The following EIF4E variants were observed in gnomAD, a reference collection of about 807,000 sequenced individuals.
EIF4E encodes the protein eIF-4F 25 kDa subunit.
For missense variants in EIF4E, 113 were observed against 265.6 expected, an observed-to-expected ratio of 0.43 and a Z score of 3.99; for synonymous variants, 71 against 88.5, an observed-to-expected ratio of 0.80 and a Z score of 1.11.
rs973366241 is a variant in EIF4E at position 98,882,541 on chromosome 4, A to G, written c.540-1399T>C. Among the ~76,000 whole-genome samples the G allele has an allele frequency of 3.9e-5, 6 of 151,958 alleles. No individual in the cohort carries two copies. In the South Asian group the frequency reaches 8.3e-4, roughly 21 times the overall value. On this transcript the variant is annotated intron_variant, in intron 6 of 6. Coordinates refer to ENST00000450253, the MANE Select transcript of EIF4E (RefSeq NM_001968.5). ...CATGATACTAGGATAGGTTTTTTTT[A>G]TACCTTCCAGAAGATTTACTACCTT... is the stretch of plus-strand genomic sequence containing the variant.
chr4:98,927,430 AGG>A (rs1274169273), intron 1 of EIF4E, among the ~76,000 whole-genome samples: 4 of 151,938 alleles, frequency 2.6e-5, no homozygotes. Context: ...CTGAGGCGGG[AGG>A]ATCACTTGAG....
At chr4:98,927,742 G>C (rs1721251406) in intron 1 of EIF4E, among the ~76,000 whole-genome samples, 1 of 142,174 alleles carries the variant, frequency 7.0e-6, no homozygotes, top group African/African-American at 2.6e-5. Context: ...AAGCTACCAT[G>C]AAAAGATACA....
intron 1 of EIF4E, among the ~76,000 whole-genome samples, chr4:98,919,450 A>C (rs1320690222): frequency 3.9e-5 from 6 of 152,064 alleles, no homozygotes; most frequent in African/African-American, 1.4e-4. Flanking sequence ...CTAGGATAGA[A>C]TCATGTATCT....
At chr4:98,883,415 T>TC (rs1232584267) in intron 6 of EIF4E, among the ~76,000 whole-genome samples, 3 of 140,080 alleles carry the variant, frequency 2.1e-5, no homozygotes, top group Non-Finnish European at 4.6e-5. Flanking sequence ...TTTTTTTTTT[T>TC]TGTGAGACAG....
At chr4:98,897,442 G>A (rs947967722) in intron 2 of EIF4E, among the ~76,000 whole-genome samples, 2 of 151,946 alleles carry the variant, frequency 1.3e-5, no homozygotes, top group South Asian at 2.1e-4. Context: ...ATGGTGGCAG[G>A]TGCCTGCAAT....
At chr4:98,927,107 T>C (rs760418328) in intron 1 of EIF4E, among the ~76,000 whole-genome samples, 3 of 152,354 alleles carry the variant, frequency 2.0e-5, no homozygotes, top group Middle Eastern at 6.8e-3. Flanking sequence ...TTAAAATGTA[T>C]ATTTTACATA....
chr4:98,913,027 G>C (rs1039161279), intron 1 of EIF4E, among the ~76,000 whole-genome samples: 18 of 152,082 alleles, frequency 1.2e-4, no homozygotes, highest in African/African-American at 4.3e-4. Context: ...GTCCAACATG[G>C]TGAAACCGCG....
At chr4:98,919,562 T>C (rs1051640123) in intron 1 of EIF4E, among the ~76,000 whole-genome samples, 1 of 147,822 alleles carries the variant, frequency 6.8e-6, no homozygotes, top group Non-Finnish European at 1.5e-5. Context: ...CTTTTTCTTT[T>C]TTTTTTTTTT....
chr4:98,915,861 T>TTCTTC (rs1383879432), intron 1 of EIF4E, among the ~76,000 whole-genome samples: 1 of 151,840 alleles, frequency 6.6e-6, no homozygotes, highest in Admixed American at 6.6e-5. Context: ...AATAATACTT[T>TTCTTC]TCTTCATGGT....
rs560857747 is a variant in EIF4E at position 98,916,108 on chromosome 4, T to C, written c.18+12987A>G. Among the ~76,000 whole-genome samples the C allele has an allele frequency of 2.0e-5, 3 of 151,762 alleles. No homozygotes were observed. The South Asian group carries it at 6.3e-4, about 32-fold the overall frequency. On this transcript the variant is annotated intron_variant, in intron 1 of 6. Coordinates refer to ENST00000450253, the MANE Select transcript of EIF4E (RefSeq NM_001968.5). ...CGAGAGGCTGAGGTGGGATAATCAC[T>C]TGAACCTAAGAGACAGAGGTTGCAG...
intron 2 of EIF4E, among the ~76,000 whole-genome samples, chr4:98,897,375 A>T (rs916261563): frequency 4.6e-5 from 7 of 152,024 alleles, no homozygotes; most frequent in African/African-American, 1.5e-4. Context: ...GTTCAAGACC[A>T]GCTTGGCCAT....
intron 1 of EIF4E, among the ~76,000 whole-genome samples, chr4:98,911,022 C>T (rs112156588): frequency 0.023 from 3,459 of 151,874 alleles, 53 homozygotes; most frequent in African/African-American, 0.032. Flanking sequence ...GCATGAGCCA[C>T]CGCACCAGGC....
At chr4:98,884,441 G>A (rs1284911482) in intron 6 of EIF4E, among the ~76,000 whole-genome samples, 1 of 152,156 alleles carries the variant, frequency 6.6e-6, no homozygotes, top group Non-Finnish European at 1.5e-5. Flanking sequence ...AGTGGCTCAT[G>A]CCTGTAATGA....
chr4:98,891,363 G>C (rs1162345324), intron 2 of EIF4E, 31 bp from the exon 3 acceptor site: 1 of 1,581,444 alleles, frequency 6.3e-7, no homozygotes, highest in African/African-American at 1.3e-5. Context: ...TCAAAAAATG[G>C]TAGCTGCATA....
chr4:98,917,075 C>A (rs910985420), intron 1 of EIF4E, among the ~76,000 whole-genome samples: 3 of 141,422 alleles, frequency 2.1e-5, no homozygotes, highest in African/African-American at 7.9e-5. Flanking sequence ...ATTATTCTAC[C>A]TTTTCTAAAC....
intron 1 of EIF4E, among the ~76,000 whole-genome samples, chr4:98,928,277 T>TC (rs1230408914): frequency 6.6e-6 from 1 of 151,552 alleles, no homozygotes; most frequent in Non-Finnish European, 1.5e-5. Context: ...GCCTCGCTCC[T>TC]CCCCCTTCCC....
chr4:98,914,968 G>A (rs1248712800), intron 1 of EIF4E, among the ~76,000 whole-genome samples: 1 of 152,164 alleles, frequency 6.6e-6, no homozygotes, highest in African/African-American at 2.4e-5. Flanking sequence ...TTTTGAGACA[G>A]GGTCCCGCTC....
intron 6 of EIF4E, among the ~76,000 whole-genome samples, chr4:98,884,467 C>G (rs1223025008): frequency 1.3e-5 from 2 of 152,112 alleles, no homozygotes; most frequent in South Asian, 2.1e-4. Flanking sequence ...CTTTGGGAGG[C>G]TGAGGTGGAC....
intron 1 of EIF4E, among the ~76,000 whole-genome samples, chr4:98,907,584 T>C (rs530862714): frequency 1.3e-5 from 2 of 152,270 alleles, no homozygotes; most frequent in South Asian, 4.1e-4. Flanking sequence ...TTTCCTCTCA[T>C]AACAGAAAAA....
Sources: allele counts gnomAD v4.1 joint callset (sites outside exome capture counted in the v4.1 genomes callset), GRCh38; gene constraint gnomAD v4.1.1; transcripts MANE v1.5; gene names NCBI Gene and HGNC (gene_info 2026-07-23, HGNC 2026-07-21).